ACOXL: variants seen among roughly 807,000 people sequenced by gnomAD.
ACOXL encodes acyl-CoA oxidase like.
ACOXL carries 70 observed loss-of-function variants against 71.9 expected under a neutral mutation model. That is an observed-to-expected ratio of 0.97 (90% confidence interval 0.80 to 1.19). The LOEUF is 1.19. ACOXL is among the 50% of genes most tolerant of loss of function. ACOXL has a pLI of 0.00. For missense variants in ACOXL, 703 were observed against 736.3 expected, an observed-to-expected ratio of 0.95 and a Z score of 0.52; for synonymous variants, 253 against 281.6, an observed-to-expected ratio of 0.90 and a Z score of 1.02.
chr2:110,734,950 C>T (rs1224452149), intron 1 of ACOXL, among the ~76,000 whole-genome samples: 1 of 151,982 alleles, frequency 6.6e-6, no homozygotes, highest in African/African-American at 2.4e-5. Flanking sequence ...TGTTATGAAG[C>T]TTGAATGAAA....
intron 14 of ACOXL, among the ~76,000 whole-genome samples, chr2:111,015,280 T>A (rs2064373286): frequency 6.6e-6 from 1 of 152,172 alleles, no homozygotes; most frequent in Non-Finnish European, 1.5e-5. Flanking sequence ...AATGTATAGA[T>A]ACAACCCAGG....
intron 14 of ACOXL, among the ~76,000 whole-genome samples, chr2:111,028,350 C>T (rs1012581441): frequency 4.0e-5 from 6 of 151,748 alleles, no homozygotes; most frequent in Non-Finnish European, 8.8e-5. Flanking sequence ...ATGGCATGAT[C>T]TTGGCTCAGT....
chr2:110,917,261 A>G lies in ACOXL; in HGVS notation c.905+8356A>G, dbSNP rs562156234. Among the ~76,000 whole-genome samples, 36 of 152,336 alleles carry G rather than the reference A, an allele frequency of 2.4e-4. No homozygotes were observed. The South Asian group carries it at 7.0e-3, about 30-fold the overall frequency. On this transcript the variant is annotated intron_variant, in intron 11 of 17. Coordinates refer to ENST00000439055, the MANE Select transcript of ACOXL (RefSeq NM_001142807.4). ...TGCAAGGCTGGTTCAACATCAATCA[A>G]TAAACATAATCCATCACATAAACCG...
intron 16 of ACOXL, among the ~76,000 whole-genome samples, chr2:111,052,117 G>T (rs543632846): frequency 6.6e-6 from 1 of 152,282 alleles, no homozygotes; most frequent in Non-Finnish European, 1.5e-5. Context: ...TTTGAAGATG[G>T]CATAAGCCAG....
At chr2:110,987,305 C>T in intron 13 of ACOXL, 88 bp downstream of exon 13, 1 of 1,262,206 alleles carries the variant, frequency 7.9e-7, no homozygotes, top group East Asian at 2.6e-5. Context: ...CTCACTCTTG[C>T]TTGAAATTTT....
intron 12 of ACOXL, among the ~76,000 whole-genome samples, chr2:110,935,722 G>A (rs1169762823): frequency 5.3e-5 from 8 of 152,178 alleles, no homozygotes; most frequent in Non-Finnish European, 1.2e-4. Context: ...CACCAGATGT[G>A]TGGCTTTTCC....
intron 1 of ACOXL, among the ~76,000 whole-genome samples, chr2:110,757,926 T>A (rs1171909726): frequency 6.6e-6 from 1 of 152,232 alleles, no homozygotes; most frequent in African/African-American, 2.4e-5. Context: ...TTTGCTTTTG[T>A]TGCAGTCATT....
chr2:110,768,226 G>T, intron 1 of ACOXL, 142 bp from the exon 2 acceptor site: 1 of 614,968 alleles, frequency 1.6e-6, no homozygotes. Flanking sequence ...CACCCAGTCT[G>T]TGTGACACAC....
chr2:110,799,068 G>A lies in ACOXL; in HGVS notation c.515G>A (p.Gly172Glu), dbSNP rs1381327868. 2 of 1,613,698 alleles carry A rather than the reference G, an allele frequency of 1.2e-6. No individual in the cohort carries two copies. Among genetic ancestry groups the A allele is most frequent in the Middle Eastern group, 1.6e-4 (1 of 6,078 alleles). Reference protein sequence around the residue: ...VRDENGSLYPGVTAIDMMYKE... With the variant: ...VRDENGSLYPEVTAIDMMYKE... ...GATGAAAACGGAAGCTTGTACCCAG[G>A]AGTCACAGCTATTGATATGATGTAC... is the stretch of plus-strand genomic sequence containing the variant. Residue 172 changes from glycine (G) to glutamate (E), a missense_variant, in exon 7 of 18, where the codon GGA (glycine) becomes GAA (glutamate). Gly to Glu is a moderately conservative substitution (Grantham distance 98, BLOSUM62 -2). Transcript: ENST00000439055.
At chr2:110,800,443 C>T (rs565913640) in intron 7 of ACOXL, among the ~76,000 whole-genome samples, 1 of 152,296 alleles carries the variant, frequency 6.6e-6, no homozygotes, top group African/African-American at 2.4e-5. Context: ...AATTTGATCA[C>T]ATCTGTAAAG....
rs544775015 is a variant in ACOXL at position 111,081,653 on chromosome 2, C to A, written c.1441-11212C>A. On this transcript the variant is annotated intron_variant, in intron 16 of 17. Transcript: ENST00000439055. ...ACCAAGCTACCATTGACTTTCTTCACAGAATTAGAAAAAAACTACTTTAAA... is the reference window on the plus strand; with the variant it reads ...ACCAAGCTACCATTGACTTTCTTCAAAGAATTAGAAAAAAACTACTTTAAA... 5.9e-5 allele frequency among the ~76,000 whole-genome samples: 9 copies of A among 152,224 alleles called. No homozygotes were observed. In the South Asian group the frequency reaches 1.5e-3, roughly 25 times the overall value.
chr2:110,812,465 C>A (rs1687446870), intron 9 of ACOXL, among the ~76,000 whole-genome samples: 1 of 152,174 alleles, frequency 6.6e-6, no homozygotes, highest in Non-Finnish European at 1.5e-5. Flanking sequence ...TCCCTCCTCC[C>A]CACTCCCTCC....
chr2:111,016,056 C>G (rs2064416790), intron 14 of ACOXL, among the ~76,000 whole-genome samples: 1 of 152,048 alleles, frequency 6.6e-6, no homozygotes, highest in Non-Finnish European at 1.5e-5. Context: ...CGTCAGCCTC[C>G]TGAGTAGCTA....
chr2:110,989,996 C>A (rs376719001), intron 13 of ACOXL, among the ~76,000 whole-genome samples: 2 of 152,014 alleles, frequency 1.3e-5, no homozygotes, highest in Non-Finnish European at 2.9e-5. Flanking sequence ...GCCAAGATTG[C>A]GCCATTGCAC....
chr2:111,111,242 G>A (rs905260082), intron 17 of ACOXL, among the ~76,000 whole-genome samples: 6 of 152,070 alleles, frequency 3.9e-5, no homozygotes, highest in African/African-American at 1.4e-4. Flanking sequence ...TAGGACTATA[G>A]GCATGAGCCA....
chr2:110,743,016 C>G (rs563758921), intron 1 of ACOXL, among the ~76,000 whole-genome samples: 1 of 152,324 alleles, frequency 6.6e-6, no homozygotes, highest in Non-Finnish European at 1.5e-5. Context: ...ATCTCATTTT[C>G]ATCACCCCAG....
intron 10 of ACOXL, among the ~76,000 whole-genome samples, chr2:110,841,873 T>C (rs1256178358): frequency 6.6e-6 from 1 of 152,232 alleles, no homozygotes; most frequent in East Asian, 1.9e-4. Flanking sequence ...TCATGATTTC[T>C]GTCTTGGTCT....
chr2:110,998,735 A>C (rs1159278893), intron 14 of ACOXL, among the ~76,000 whole-genome samples: 1 of 152,134 alleles, frequency 6.6e-6, no homozygotes. Flanking sequence ...CTTTTGATAC[A>C]TTTTCATCCT....
chr2:111,092,805 T>G, intron 16 of ACOXL, 60 bp from the exon 17 acceptor site: 1 of 1,181,688 alleles, frequency 8.5e-7, no homozygotes, highest in Non-Finnish European at 1.3e-6. Context: ...CCTCCTTAGA[T>G]TTTGTGTTTT....
Sources: gnomAD v4.1 joint callset for allele counts (sites outside exome capture counted in the v4.1 genomes callset) on GRCh38, gnomAD v4.1.1 for gene constraint, MANE v1.5 for transcripts, NCBI Gene and HGNC (gene_info 2026-07-23, HGNC 2026-07-21) for gene names.